CNTN5: variants seen among roughly 807,000 people sequenced by gnomAD.
CNTN5 encodes contactin 5.
CNTN5 carries 77 observed loss-of-function variants against 129.1 expected under a neutral mutation model. The ratio of observed to expected loss-of-function variants is 0.60; its 90% CI spans 0.50 to 0.72. CNTN5 has a LOEUF of 0.72. Ranked by LOEUF, CNTN5 falls within the 30% of genes least tolerant of loss-of-function variation. The pLI is 0.00. For synonymous variants in CNTN5, 509 were observed against 465.6 expected, an observed-to-expected ratio of 1.09 and a Z score of -1.20; for missense variants, 1,478 against 1,328.8, an observed-to-expected ratio of 1.11 and a Z score of -1.75.
chr11:100,128,777 A>G (rs971797490), intron 13 of CNTN5, among the ~76,000 whole-genome samples: 1 of 151,946 alleles, frequency 6.6e-6, no homozygotes, highest in African/African-American at 2.4e-5. Flanking sequence ...TACTACATCT[A>G]TCTGGGATAC....
At chr11:99,770,052 A>AT (rs549653890) in intron 3 of CNTN5, among the ~76,000 whole-genome samples, 39 of 152,152 alleles carry the variant, frequency 2.6e-4, no homozygotes, top group African/African-American at 8.9e-4. Context: ...AAGTTCAAGG[A>AT]TTTTTTGTTT....
chr11:99,378,684 G>A (rs1649909531), intron 2 of CNTN5, among the ~76,000 whole-genome samples: 2 of 152,066 alleles, frequency 1.3e-5, no homozygotes, highest in African/African-American at 2.4e-5. Flanking sequence ...AGTAAAATTG[G>A]TGAATGTACT....
At chr11:99,582,493 A>T (rs887850989) in intron 3 of CNTN5, among the ~76,000 whole-genome samples, 1 of 152,172 alleles carries the variant, frequency 6.6e-6, no homozygotes, top group Non-Finnish European at 1.5e-5. Flanking sequence ...CTTTTCACAT[A>T]GTGCCATATT....
chr11:99,421,976 A>G (rs534563942), intron 2 of CNTN5, among the ~76,000 whole-genome samples: 1 of 152,330 alleles, frequency 6.6e-6, no homozygotes, highest in South Asian at 2.1e-4. Context: ...AAAGAACTGC[A>G]GCTGTCTATT....
intron 7 of CNTN5, among the ~76,000 whole-genome samples, chr11:99,922,962 C>T (rs187479583): frequency 1.3e-5 from 2 of 152,296 alleles, no homozygotes; most frequent in East Asian, 3.9e-4. Context: ...CTTAATATCA[C>T]ATTCATGTAT....
At chr11:99,235,581 A>G (rs1285544583) in intron 1 of CNTN5, among the ~76,000 whole-genome samples, 1 of 152,188 alleles carries the variant, frequency 6.6e-6, no homozygotes, top group Non-Finnish European at 1.5e-5. Context: ...TACAATAGGT[A>G]TAACTATGAG....
chr11:99,170,822 A>C (rs943114159), intron 1 of CNTN5, among the ~76,000 whole-genome samples: 1 of 152,232 alleles, frequency 6.6e-6, no homozygotes, highest in Admixed American at 6.5e-5. Flanking sequence ...TCAATTCCTT[A>C]TAATCCTGTT....
chr11:100,321,010 T>A (rs1287134393), intron 21 of CNTN5, among the ~76,000 whole-genome samples: 2 of 152,188 alleles, frequency 1.3e-5, no homozygotes, highest in Non-Finnish European at 2.9e-5. Flanking sequence ...AATTTTATTC[T>A]TTTTGCTCAA....
intron 13 of CNTN5, among the ~76,000 whole-genome samples, chr11:100,111,196 A>G (rs1945648132): frequency 1.3e-5 from 2 of 152,154 alleles, no homozygotes; most frequent in African/African-American, 4.8e-5. Flanking sequence ...GGGAAAGGTT[A>G]GACTAACCTT....
intron 8 of CNTN5, among the ~76,000 whole-genome samples, chr11:99,982,246 T>G (rs1938392877): frequency 6.6e-6 from 1 of 152,196 alleles, no homozygotes; most frequent in African/African-American, 2.4e-5. Flanking sequence ...GAATTAGCAT[T>G]GGGGCAGGTT....
At chr11:99,575,987 G>A (rs182992186) in intron 3 of CNTN5, among the ~76,000 whole-genome samples, 20 of 152,256 alleles carry the variant, frequency 1.3e-4, no homozygotes, top group African/African-American at 4.1e-4. Flanking sequence ...AGAGGGCCCC[G>A]GTGGCCACAT....
intron 2 of CNTN5, among the ~76,000 whole-genome samples, chr11:99,450,369 G>A (rs1335691340): frequency 6.6e-6 from 1 of 151,692 alleles, no homozygotes; most frequent in Non-Finnish European, 1.5e-5. Flanking sequence ...TAGACTGTCT[G>A]TCCTCATTAT....
intron 13 of CNTN5, among the ~76,000 whole-genome samples, chr11:100,114,353 T>C (rs549468161): frequency 1.4e-4 from 22 of 152,186 alleles, no homozygotes; most frequent in Non-Finnish European, 2.8e-4. Context: ...TTTTAATCAG[T>C]ATTTGGATCA....
At chr11:99,527,487 T>C (rs1007973506) in intron 2 of CNTN5, among the ~76,000 whole-genome samples, 4 of 152,106 alleles carry the variant, frequency 2.6e-5, no homozygotes, top group African/African-American at 9.7e-5. Context: ...CAAAATTAAC[T>C]ATGCAAAAGA....
intron 4 of CNTN5, among the ~76,000 whole-genome samples, chr11:99,839,758 TTAG>T (rs1947419955): frequency 2.6e-5 from 4 of 152,136 alleles, no homozygotes; most frequent in African/African-American, 4.8e-5. Flanking sequence ...GTTGAAACTC[TTAG>T]TAGTAGTAAT....
At chr11:99,961,219 A>AACC (rs564745458) in intron 8 of CNTN5, among the ~76,000 whole-genome samples, 1 of 145,720 alleles carries the variant, frequency 6.9e-6, no homozygotes, top group Non-Finnish European at 1.5e-5. Context: ...AAAAAAAAAA[A>AACC]AAAAAACAGT....
At chr11:100,250,268 C>G (rs746377034) in intron 16 of CNTN5, among the ~76,000 whole-genome samples, 1 of 152,162 alleles carries the variant, frequency 6.6e-6, no homozygotes, top group South Asian at 2.1e-4. Flanking sequence ...ACTTAAATCG[C>G]ATCTCCGTCT....
intron 2 of CNTN5, among the ~76,000 whole-genome samples, chr11:99,336,221 T>C (rs553690785): frequency 1.3e-5 from 2 of 152,228 alleles, no homozygotes; most frequent in African/African-American, 4.8e-5. Flanking sequence ...AATTGTCAAA[T>C]TGGTTAAGAG....
chr11:100,066,763 GCATCTGCTCACCCCATGT>G (rs1943711204), intron 10 of CNTN5, among the ~76,000 whole-genome samples: 1 of 149,078 alleles, frequency 6.7e-6, no homozygotes, highest in Non-Finnish European at 1.5e-5. Context: ...CCACGTCTTG[GCATCTGCTCACCCCATGT>G]TATTATTCAG....
Sources: gnomAD v4.1 joint callset for allele counts (sites outside exome capture counted in the v4.1 genomes callset) on GRCh38, gnomAD v4.1.1 for gene constraint, MANE v1.5 for transcripts, NCBI Gene and HGNC (gene_info 2026-07-23, HGNC 2026-07-21) for gene names.